The following GABRG3 variants were observed in gnomAD, a reference collection of about 807,000 sequenced individuals.
GABRG3 encodes gamma-aminobutyric acid receptor subunit gamma-3.
A neutral mutation model predicts 48.8 loss-of-function variants in GABRG3; 25 were observed. That is an observed-to-expected ratio of 0.51 (90% CI 0.37 to 0.72). GABRG3 has a LOEUF of 0.72. Ranked by LOEUF, GABRG3 falls within the 30% of genes least tolerant of loss-of-function variation. The pLI is 0.00. For missense variants in GABRG3, 394 were observed against 577.9 expected (o/e 0.68, Z 3.26); for synonymous variants, 227 against 217.6 (o/e 1.04, Z -0.38).
Position 27,394,093 on chromosome 15 carries a change from T to C in GABRG3, c.574+65205T>C, listed in dbSNP as rs1202244275. On this transcript the variant is annotated intron_variant, in intron 5 of 9. Transcript: ENST00000615808. ...TTTTATTGTTTAATATTTAATGTAA[T>C]GACAGATAAGGTAAGATTTACAACT... 5.3e-5 allele frequency among the ~76,000 whole-genome samples: 8 copies of C among 152,344 alleles called. No individual in the cohort carries two copies. The East Asian group carries it at 9.6e-4, about 18-fold the overall frequency.
At chr15:27,137,284 TC>T (rs1329980533) in intron 3 of GABRG3, among the ~76,000 whole-genome samples, 37 of 152,240 alleles carry the variant, frequency 2.4e-4, no homozygotes, top group African/African-American at 8.9e-4. Flanking sequence ...TACAGATTCG[TC>T]CCTACCACTG....
intron 5 of GABRG3, among the ~76,000 whole-genome samples, chr15:27,339,723 G>T (rs571211111): frequency 6.6e-6 from 1 of 152,318 alleles, no homozygotes; most frequent in African/African-American, 2.4e-5. Context: ...CTTTTGCCCA[G>T]TCTTGAAGGT....
At chr15:27,303,149 A>G (rs1045902386) in intron 3 of GABRG3, among the ~76,000 whole-genome samples, 4 of 151,824 alleles carry the variant, frequency 2.6e-5, no homozygotes, top group African/African-American at 9.7e-5. Context: ...ATTGAAAACC[A>G]AGAACAGTAG....
At chr15:27,035,617 G>A (rs997677845) in intron 3 of GABRG3, among the ~76,000 whole-genome samples, 9 of 152,132 alleles carry the variant, frequency 5.9e-5, no homozygotes, top group Admixed American at 4.6e-4. Context: ...AAACTCTCCC[G>A]CTTTACCTTG....
At chr15:27,526,990 C>T (rs533979397) in intron 7 of GABRG3, among the ~76,000 whole-genome samples, 6 of 152,114 alleles carry the variant, frequency 3.9e-5, no homozygotes, top group Non-Finnish European at 8.8e-5. Context: ...GTCAGCTCTG[C>T]GTGGAAGGCA....
intron 3 of GABRG3, among the ~76,000 whole-genome samples, chr15:27,153,688 C>T (rs1040959135): frequency 2.6e-5 from 4 of 152,032 alleles, no homozygotes; most frequent in Admixed American, 1.3e-4. Context: ...ATCTTCTCAA[C>T]GTATATATTT....
intron 3 of GABRG3, among the ~76,000 whole-genome samples, chr15:27,047,286 G>A (rs1267123876): frequency 6.6e-6 from 1 of 152,130 alleles, no homozygotes; most frequent in Non-Finnish European, 1.5e-5. Context: ...GCATGTTTGG[G>A]TAAGGGAAAC....
chr15:27,220,763 G>T (rs1889425578), intron 3 of GABRG3, among the ~76,000 whole-genome samples: 1 of 152,094 alleles, frequency 6.6e-6, no homozygotes, highest in South Asian at 2.1e-4. Flanking sequence ...GTCACTGGGT[G>T]CCTGGAATTT....
At chr15:27,220,961 C>A (rs1265288001) in intron 3 of GABRG3, among the ~76,000 whole-genome samples, 4 of 151,932 alleles carry the variant, frequency 2.6e-5, no homozygotes, top group African/African-American at 9.7e-5. Context: ...CATTATTCAA[C>A]CTTTCCATTG....
chr15:27,136,866 G>T (rs574172292), intron 3 of GABRG3, among the ~76,000 whole-genome samples: 1 of 152,140 alleles, frequency 6.6e-6, no homozygotes, highest in East Asian at 1.9e-4. Context: ...GACTGCTACA[G>T]CCCTAACCTA....
rs34394194 is a variant in GABRG3 at position 27,257,199 on chromosome 15, AT to A, written c.271-69600del. 1.9e-4 allele frequency among the ~76,000 whole-genome samples: 28 copies of A among 147,110 alleles called. No homozygotes were observed. In the South Asian group the frequency reaches 2.4e-3, roughly 12 times the overall value. ...TCATTTTTTAATAAACCTGTTGGCCATTTTTTTTTTGAGAGGTGTCTCTTTA... is the reference window on the plus strand; with the variant it reads ...TCATTTTTTAATAAACCTGTTGGCCATTTTTTTTTGAGAGGTGTCTCTTTA... On this transcript the variant is annotated intron_variant, in intron 3 of 9. Coordinates refer to ENST00000615808, the MANE Select transcript of GABRG3 (RefSeq NM_033223.5).
intron 2 of GABRG3, among the ~76,000 whole-genome samples, chr15:27,025,175 A>G (rs967791924): frequency 2.0e-5 from 3 of 152,012 alleles, no homozygotes; most frequent in Admixed American, 6.6e-5. Context: ...GCCGCTGCTC[A>G]CTGCAAGCTG....
chr15:27,308,590 A>G (rs959095268), intron 3 of GABRG3, among the ~76,000 whole-genome samples: 1 of 145,402 alleles, frequency 6.9e-6, no homozygotes, highest in East Asian at 2.1e-4. Context: ...ACATACATTT[A>G]TATATAAACA....
chr15:27,305,740 C>A (rs1242773797), intron 3 of GABRG3, among the ~76,000 whole-genome samples: 15 of 274 alleles, frequency 0.055, 1 homozygote, highest in African/African-American at 0.12. Context: ...ATAATATAAA[C>A]CTATATGTTT....
At chr15:27,192,117 T>C (rs939793343) in intron 3 of GABRG3, among the ~76,000 whole-genome samples, 2 of 152,226 alleles carry the variant, frequency 1.3e-5, no homozygotes, top group African/African-American at 4.8e-5. Context: ...TGGGCTTCCC[T>C]TTGAGGGTAA....
chr15:27,134,168 C>T (rs559765535), intron 3 of GABRG3, among the ~76,000 whole-genome samples: 37 of 152,194 alleles, frequency 2.4e-4, no homozygotes, highest in Admixed American at 1.3e-3. Flanking sequence ...TAGGGAGTTA[C>T]GAATGTTAGG....
intron 2 of GABRG3, among the ~76,000 whole-genome samples, chr15:27,003,041 CAT>C (rs1481181272): frequency 3.3e-5 from 5 of 151,736 alleles, no homozygotes; most frequent in Admixed American, 1.3e-4. Context: ...GAAACTATCA[CAT>C]GTGAATATTT....
chr15:27,197,740 G>A (rs55999163), intron 3 of GABRG3, among the ~76,000 whole-genome samples: 7,593 of 152,132 alleles, frequency 0.05, 232 homozygotes, highest in South Asian at 0.075. Flanking sequence ...TCTCGTCCTG[G>A]GCTTTTTTTG....
chr15:27,252,800 C>T (rs574499373), intron 3 of GABRG3, among the ~76,000 whole-genome samples: 3 of 152,298 alleles, frequency 2.0e-5, no homozygotes, highest in African/African-American at 4.8e-5. Flanking sequence ...CCAAAAGGTC[C>T]GTGTCTGGAG....
Sources: allele counts gnomAD v4.1 joint callset (sites outside exome capture counted in the v4.1 genomes callset), GRCh38; gene constraint gnomAD v4.1.1; transcripts MANE v1.5; gene names NCBI Gene and HGNC (gene_info 2026-07-23, HGNC 2026-07-21).